The following CDH13 variants were observed in gnomAD, a reference collection of about 807,000 sequenced individuals.
CDH13 encodes cadherin 13.
Under a neutral mutation model 63.8 loss-of-function variants are expected in CDH13, and 24 were observed. The observed-to-expected ratio is 0.38, with a 90% CI of 0.27 to 0.53. The LOEUF is 0.53. CDH13 is among the 20% of genes least tolerant of loss of function. The pLI is 0.85. For missense variants in CDH13, 1,049 were observed against 903.1 expected, an observed-to-expected ratio of 1.16 and a Z score of -2.07; for synonymous variants, 503 against 355.3, an observed-to-expected ratio of 1.42 and a Z score of -4.67.
chr16:82,934,000 C>G (rs1001512983), intron 2 of CDH13, among the ~76,000 whole-genome samples: 1 of 152,212 alleles, frequency 6.6e-6, no homozygotes, highest in African/African-American at 2.4e-5. Flanking sequence ...TGCAAGCTGT[C>G]CATGGATCTA....
intron 8 of CDH13, among the ~76,000 whole-genome samples, chr16:83,617,483 T>G (rs1909387244): frequency 6.6e-6 from 1 of 151,718 alleles, no homozygotes; most frequent in Non-Finnish European, 1.5e-5. Flanking sequence ...ATATAATATC[T>G]ATTGTAATAA....
chr16:83,246,880 C>A (rs1239934056), intron 5 of CDH13, among the ~76,000 whole-genome samples: 1 of 152,234 alleles, frequency 6.6e-6, no homozygotes, highest in African/African-American at 2.4e-5. Flanking sequence ...CAAGTGACAT[C>A]TTCTGTTCCT....
chr16:82,936,572 C>G (rs35425717), intron 2 of CDH13, among the ~76,000 whole-genome samples: 5,767 of 152,162 alleles, frequency 0.038, 130 homozygotes, highest in Non-Finnish European at 0.055. Flanking sequence ...AAACAGTAGG[C>G]CCCCCACCTT....
At chr16:83,533,176 T>G (rs1400051506) in intron 7 of CDH13, among the ~76,000 whole-genome samples, 2 of 152,190 alleles carry the variant, frequency 1.3e-5, no homozygotes, top group African/African-American at 2.4e-5. Flanking sequence ...GACCAGCAGA[T>G]GCCAGCAGCT....
intron 1 of CDH13, among the ~76,000 whole-genome samples, chr16:82,664,391 G>C (rs1912341484): frequency 6.6e-6 from 1 of 152,228 alleles, no homozygotes; most frequent in African/African-American, 2.4e-5. Context: ...GTGCCTGAGA[G>C]AGCGAGGGTT....
rs67886035 is a variant in CDH13, at chr16:83,743,748, C to CTTTTTTTTTTTTTTTTTTTTTTTTTTTT, written c.1539-4341_1539-4340insTTTTTTTTTTTTTTTTTTTTTTTTTTTT. ...TGATGAGTTGCCTTTTTTCTTTTTT[C>CTTTTTTTTTTTTTTTTTTTTTTTTTTTT]TTTTTTTTTTTTTTTTTTTCTTTGC... is the stretch of plus-strand genomic sequence containing the variant. On this transcript the variant is annotated intron_variant, in intron 10 of 13. Coordinates refer to ENST00000567109, the MANE Select transcript of CDH13 (RefSeq NM_001257.5). Among the ~76,000 whole-genome samples, 3 of 76,258 alleles carry CTTTTTTTTTTTTTTTTTTTTTTTTTTTT rather than the reference C, an allele frequency of 3.9e-5. 1 individual carries two copies. The highest frequency in any genetic ancestry group is 5.5e-5 in the African/African-American group (1 of 18,160). 50.0% of individuals were successfully genotyped at this position (76,258 alleles called of 152,430 possible). A position where few individuals can be genotyped will look rare whatever the true frequency, so the allele number is the denominator to read the frequency against.
chr16:83,321,113 G>T (rs1405567981), intron 5 of CDH13, among the ~76,000 whole-genome samples: 1 of 152,180 alleles, frequency 6.6e-6, no homozygotes, highest in Non-Finnish European at 1.5e-5. Context: ...TGAAATTAAG[G>T]GGGCCTTCCT....
intron 3 of CDH13, among the ~76,000 whole-genome samples, chr16:83,066,047 G>T (rs900239746): frequency 6.6e-6 from 1 of 152,194 alleles, no homozygotes; most frequent in Non-Finnish European, 1.5e-5. Context: ...AAGCATAAGA[G>T]CTGTAAAGGA....
chr16:83,403,737 G>A (rs779425445), intron 6 of CDH13, among the ~76,000 whole-genome samples: 1 of 152,140 alleles, frequency 6.6e-6, no homozygotes, highest in Non-Finnish European at 1.5e-5. Context: ...TTGGCCCCAG[G>A]ACATCCTGTT....
intron 1 of CDH13, among the ~76,000 whole-genome samples, chr16:82,650,873 G>A: frequency 6.6e-6 from 1 of 152,324 alleles, no homozygotes; most frequent in East Asian, 1.9e-4. Flanking sequence ...GTGGGGCAGG[G>A]CAGTAAACAG....
Position 83,047,241 on chromosome 16 carries a change from A to G in CDH13, c.366+15023A>G, listed in dbSNP as rs944338793. Reference sequence around the variant, plus strand: ...TCTTACTCCAGAGGCCTGTGTATTTATTTATTTATTTATTTTTTTGGTAAA... The same window carrying G: ...TCTTACTCCAGAGGCCTGTGTATTTGTTTATTTATTTATTTTTTTGGTAAA... On this transcript the variant is annotated intron_variant, in intron 3 of 13. Coordinates refer to ENST00000567109, the MANE Select transcript of CDH13 (RefSeq NM_001257.5). The surrounding 1 kb of genome is among the most constrained non-coding windows in gnomAD (Gnocchi z 4.9). Among the ~76,000 whole-genome samples, 1 of 151,882 alleles carries G rather than the reference A, an allele frequency of 6.6e-6. No homozygotes were observed. Among genetic ancestry groups the G allele is most frequent in the African/African-American group, 2.4e-5 (1 of 41,374 alleles).
At chr16:83,302,234 C>T (rs11860092) in intron 5 of CDH13, among the ~76,000 whole-genome samples, 78,050 of 152,044 alleles carry the variant, frequency 0.51, 20,932 homozygotes, top group South Asian at 0.67. Flanking sequence ...TTTTAAGCCC[C>T]GCTTTTACTT....
chr16:83,133,983 A>G (rs1567862761), intron 4 of CDH13, among the ~76,000 whole-genome samples: 1 of 152,208 alleles, frequency 6.6e-6, no homozygotes, highest in Non-Finnish European at 1.5e-5. Flanking sequence ...TTCTAGCCAT[A>G]TGTATGGCTG....
At chr16:82,721,839 G>T (rs1393452596) in intron 1 of CDH13, among the ~76,000 whole-genome samples, 1 of 152,162 alleles carries the variant, frequency 6.6e-6, no homozygotes, top group Non-Finnish European at 1.5e-5. Context: ...GCAGGGAGGA[G>T]AGTCATCAGG....
chr16:83,574,552 C>T (rs1904933308), intron 7 of CDH13, among the ~76,000 whole-genome samples: 1 of 152,206 alleles, frequency 6.6e-6, no homozygotes, highest in East Asian at 1.9e-4. Context: ...ATCTTGGCCT[C>T]ACCACTTACC....
In CDH13 at chr16:83,051,429, A is replaced by G. The variant is rs529698755; in HGVS notation, c.366+19211A>G. On this transcript the variant is annotated intron_variant, in intron 3 of 13. Transcript: ENST00000567109. ...CTCTTGATTTATTATGTAACAATGT[A>G]TATTTTTAGCCAAACAAATGCTAGA... Among the ~76,000 whole-genome samples, 3 of 152,336 alleles carry G rather than the reference A, an allele frequency of 2.0e-5. No individual in the cohort carries two copies. The South Asian group carries it at 6.2e-4, about 32-fold the overall frequency.
intron 10 of CDH13, among the ~76,000 whole-genome samples, chr16:83,727,525 C>T (rs567916045): frequency 5.9e-5 from 9 of 151,838 alleles, no homozygotes; most frequent in Admixed American, 5.3e-4. Flanking sequence ...CAGAGATCAC[C>T]ACTGCGGCAG....
At chr16:83,241,876 G>A (rs1310425142) in intron 5 of CDH13, among the ~76,000 whole-genome samples, 1 of 152,138 alleles carries the variant, frequency 6.6e-6, no homozygotes, top group African/African-American at 2.4e-5. Context: ...TTTGTTGTCT[G>A]TGCTTTTTGT....
chr16:82,729,271 C>A (rs2033269481), intron 1 of CDH13, among the ~76,000 whole-genome samples: 1 of 152,150 alleles, frequency 6.6e-6, no homozygotes, highest in African/African-American at 2.4e-5. Context: ...GTTCACTTTG[C>A]CCCGATCCAT....
Sources: gnomAD v4.1 joint callset for allele counts (sites outside exome capture counted in the v4.1 genomes callset) on GRCh38, gnomAD v4.1.1 for gene constraint, Gnocchi (gnomAD v3.1) non-coding constraint, MANE v1.5 for transcripts, NCBI Gene and HGNC (gene_info 2026-07-23, HGNC 2026-07-21) for gene names.